Variants in CALCR observed in about 807,000 individuals in gnomAD.
The protein encoded by CALCR is calcitonin receptor.
In CALCR, 47 loss-of-function variants were observed where a neutral mutation model predicts 59.5. The ratio of observed to expected loss-of-function variants is 0.79; its 90% confidence interval spans 0.63 to 1.01. The LOEUF (loss-of-function observed/expected upper bound fraction) is 1.01, where lower values mean the gene tolerates loss of function less well. Ranked by LOEUF, CALCR falls within the 50% of genes least tolerant of loss-of-function variation. The pLI, the probability that CALCR is intolerant of heterozygous loss-of-function variation, is 0.00. For synonymous variants in CALCR, 213 were observed against 211.3 expected (o/e 1.01, Z -0.07); for missense variants, 566 against 597.1 (o/e 0.95, Z 0.54).
At chr7:93,570,191 T>C (rs1789969869) in intron 2 of CALCR, among the ~76,000 whole-genome samples, 1 of 152,188 alleles carries the variant, frequency 6.6e-6, no homozygotes, top group Admixed American at 6.5e-5. Context: ...AGAGGGGTTC[T>C]AAGTCTTGCA....
intron 8 of CALCR, among the ~76,000 whole-genome samples, chr7:93,458,722 T>G (rs1439029953): frequency 6.6e-6 from 1 of 152,108 alleles, no homozygotes; most frequent in East Asian, 1.9e-4. Flanking sequence ...ACCACCTCTC[T>G]GTCTTCGGGT....
At chr7:93,460,002 C>G (rs149696744) in intron 8 of CALCR, among the ~76,000 whole-genome samples, 4 of 152,230 alleles carry the variant, frequency 2.6e-5, no homozygotes, top group Non-Finnish European at 4.4e-5. Flanking sequence ...TTTTCCAAAG[C>G]ATAATGACAC....
At chr7:93,500,181 T>C (rs750583979) in intron 2 of CALCR, among the ~76,000 whole-genome samples, 16 of 151,938 alleles carry the variant, frequency 1.1e-4, no homozygotes, top group Non-Finnish European at 2.1e-4. Flanking sequence ...AAATTACTAA[T>C]CTGTCTCGCA....
At chr7:93,492,428 T>A (rs897530956) in intron 2 of CALCR, among the ~76,000 whole-genome samples, 2 of 151,456 alleles carry the variant, frequency 1.3e-5, no homozygotes, top group Non-Finnish European at 3.0e-5. Flanking sequence ...CTATTATACT[T>A]GTCCCCAAAA....
chr7:93,474,411 T>C (rs1476027066), intron 5 of CALCR, among the ~76,000 whole-genome samples: 1 of 151,744 alleles, frequency 6.6e-6, no homozygotes, highest in African/African-American at 2.4e-5. Flanking sequence ...TTTAATTTGG[T>C]ACTGGGACTC....
At chr7:93,463,465 C>T (rs1047560788) in intron 7 of CALCR, among the ~76,000 whole-genome samples, 2 of 151,712 alleles carry the variant, frequency 1.3e-5, no homozygotes, top group Admixed American at 1.3e-4. Flanking sequence ...TTGTATTATA[C>T]TAACTTGATG....
intron 7 of CALCR, among the ~76,000 whole-genome samples, chr7:93,464,653 C>A (rs1030713184): frequency 1.3e-5 from 2 of 151,902 alleles, no homozygotes; most frequent in African/African-American, 4.8e-5. Flanking sequence ...CTCTTTCAAT[C>A]AAAATTCTTG....
At chr7:93,482,521 A>G (rs911868447) in intron 3 of CALCR, among the ~76,000 whole-genome samples, 2 of 151,852 alleles carry the variant, frequency 1.3e-5, no homozygotes, top group African/African-American at 4.8e-5. Flanking sequence ...TTTCTTCCCA[A>G]AAGTAACATT....
At chr7:93,540,194 T>C (rs1373667504) in intron 2 of CALCR, among the ~76,000 whole-genome samples, 2 of 152,194 alleles carry the variant, frequency 1.3e-5, no homozygotes, top group East Asian at 3.8e-4. Context: ...AATTCAATAT[T>C]GGACCTGGTG....
intron 2 of CALCR, among the ~76,000 whole-genome samples, chr7:93,499,602 C>A (rs1801279877): frequency 6.6e-6 from 1 of 151,786 alleles, no homozygotes; most frequent in African/African-American, 2.4e-5. Context: ...GCAGACTTAT[C>A]AGCATTTCTT....
At chr7:93,484,433 A>C (rs1275008157) in intron 3 of CALCR, among the ~76,000 whole-genome samples, 1 of 151,780 alleles carries the variant, frequency 6.6e-6, no homozygotes, top group African/African-American at 2.4e-5. Flanking sequence ...TGATTGCCAC[A>C]TGCAAAACTA....
chr7:93,463,971 CT>C (rs1307915835), intron 7 of CALCR, among the ~76,000 whole-genome samples: 1 of 152,020 alleles, frequency 6.6e-6, no homozygotes, highest in African/African-American at 2.4e-5. Flanking sequence ...ACATAATTTA[CT>C]TCTACAACAT....
At chr7:93,471,510 GA>G (rs770154176) in intron 6 of CALCR, among the ~76,000 whole-genome samples, 69 of 151,930 alleles carry the variant, frequency 4.5e-4, no homozygotes, top group Admixed American at 9.2e-4. Context: ...TCTACACCCT[GA>G]AAGCATCTCA....
chr7:93,561,256 T>A (rs1327757731), intron 2 of CALCR, among the ~76,000 whole-genome samples: 1 of 152,200 alleles, frequency 6.6e-6, no homozygotes, highest in Non-Finnish European at 1.5e-5. Flanking sequence ...TGAACAGTGC[T>A]ATTCTATAAA....
chr7:93,548,439 A>T (rs1333202358), intron 2 of CALCR, among the ~76,000 whole-genome samples: 3 of 152,214 alleles, frequency 2.0e-5, no homozygotes, highest in Admixed American at 6.5e-5. Flanking sequence ...ATTCTTAATG[A>T]TCAATCATCA....
At chr7:93,494,997 A>G (rs1394822911) in intron 2 of CALCR, among the ~76,000 whole-genome samples, 1 of 151,408 alleles carries the variant, frequency 6.6e-6, no homozygotes, top group Non-Finnish European at 1.5e-5. Context: ...TGGAATCTAG[A>G]GACTGATTAG....
At chr7:93,509,632 A>T (rs1472687317) in intron 2 of CALCR, among the ~76,000 whole-genome samples, 2 of 152,174 alleles carry the variant, frequency 1.3e-5, no homozygotes, top group African/African-American at 4.8e-5. Flanking sequence ...ATATGTGGAG[A>T]TTAACTTTCT....
intron 2 of CALCR, among the ~76,000 whole-genome samples, chr7:93,539,676 T>A (rs1376738563): frequency 6.6e-6 from 1 of 152,220 alleles, no homozygotes; most frequent in African/African-American, 2.4e-5. Flanking sequence ...CTAACGCCTC[T>A]GAAAGGCTTG....
chr7:93,532,100 G>GAAATAATTGTCCT (rs1280679172), intron 2 of CALCR, among the ~76,000 whole-genome samples: 1 of 151,988 alleles, frequency 6.6e-6, no homozygotes, highest in Non-Finnish European at 1.5e-5. Flanking sequence ...TAGCCATAAA[G>GAAATAATTGTCCT]AAATAATTGT....
Sources: allele counts gnomAD v4.1 joint callset (sites outside exome capture counted in the v4.1 genomes callset), GRCh38; gene constraint gnomAD v4.1.1; transcripts MANE v1.5; gene names NCBI Gene and HGNC (gene_info 2026-07-23, HGNC 2026-07-21).